CCNYL1: variants seen among roughly 807,000 people sequenced by gnomAD.
The protein encoded by CCNYL1 is cyclin-Y-like protein 1.
A neutral mutation model predicts 44.2 loss-of-function variants in CCNYL1; 16 were observed. The observed-to-expected ratio is 0.36, with a 90% CI of 0.25 to 0.55. CCNYL1 has a LOEUF of 0.55. Among genes scored for constraint, CCNYL1 ranks in the 20% least tolerant of loss-of-function variants. The pLI, the probability that CCNYL1 is intolerant of heterozygous loss-of-function variation, is 0.85. For synonymous variants in CCNYL1, 159 were observed against 163.2 expected (o/e 0.97, Z 0.20); for missense variants, 348 against 451.8 (o/e 0.77, Z 2.08).
At chr2:207,722,085 T>C (rs1160949009) in intron 1 of CCNYL1, among the ~76,000 whole-genome samples, 2 of 151,128 alleles carry the variant, frequency 1.3e-5, no homozygotes, top group Non-Finnish European at 3.0e-5. Flanking sequence ...TTTTTTTTTT[T>C]TTTTTGAGAT....
chr2:207,732,492 T>C (rs1257566705), intron 3 of CCNYL1, among the ~76,000 whole-genome samples: 2 of 152,184 alleles, frequency 1.3e-5, no homozygotes, highest in African/African-American at 4.8e-5. Context: ...ACCTTCTCCC[T>C]GCCCTGTCTT....
chr2:207,737,754 G>A lies in CCNYL1; in HGVS notation c.467+308G>A, dbSNP rs546153542. Reference sequence around the variant, plus strand: ...AACGTTGGCACTGTTGATATTTTGAGCTACATAAGTCTTTGTTGTGGGGAC... The same window carrying A: ...AACGTTGGCACTGTTGATATTTTGAACTACATAAGTCTTTGTTGTGGGGAC... On this transcript the variant is annotated intron_variant, in intron 5 of 9. Coordinates refer to ENST00000295414, the MANE Select transcript of CCNYL1 (RefSeq NM_001330218.2). 1.0e-3 allele frequency among the ~76,000 whole-genome samples: 152 copies of A among 152,082 alleles called. 2 individuals carry two copies. The highest frequency in any genetic ancestry group is 1.8e-4 in the Non-Finnish European group (12 of 67,978).
intron 5 of CCNYL1, among the ~76,000 whole-genome samples, 194 bp downstream of exon 5, chr2:207,737,640 G>A (rs1002191254): frequency 4.6e-5 from 7 of 151,672 alleles, no homozygotes; most frequent in Non-Finnish European, 1.0e-4. Context: ...AAGAGTATTT[G>A]TTTATGTTGG....
intron 5 of CCNYL1, among the ~76,000 whole-genome samples, chr2:207,739,776 T>G (rs2091794191): frequency 6.6e-6 from 1 of 152,208 alleles, no homozygotes. Context: ...GTGAAGCAGG[T>G]GTTTTTCTTA....
rs1279287751 is a variant in CCNYL1 at position 207,724,883 on chromosome 2, A to G, written c.295+9A>G. ...CAAATCTCAAACGGATGGTAAGACA[A>G]TACTGTTTTTTCCTTCCAAGGAAAA... is the stretch of plus-strand genomic sequence containing the variant. On this transcript the variant is annotated intron_variant, in intron 2 of 9. Transcript: ENST00000295414. 1.9e-6 allele frequency: 3 copies of G among 1,601,814 alleles called. No homozygotes were observed. The South Asian group carries it at 3.4e-5, about 18-fold the overall frequency.
In CCNYL1 at chr2:207,720,901, G is replaced by A. The variant is rs532855949; in HGVS notation, c.221-3899G>A. Among the ~76,000 whole-genome samples the A allele has an allele frequency of 8.6e-4, 131 of 152,188 alleles. 1 individual carries two copies. The highest frequency in any genetic ancestry group is 3.0e-3 in the African/African-American group (125 of 41,530). On this transcript the variant is annotated intron_variant, in intron 1 of 9. Transcript: ENST00000295414. ...ATAGAAGGAGGTAGAGCAGTGTTTC[G>A]GAAACCAGATTTAGGATTGTCAGAA...
At chr2:207,719,912 G>A (rs2091627073) in intron 1 of CCNYL1, among the ~76,000 whole-genome samples, 1 of 152,004 alleles carries the variant, frequency 6.6e-6, no homozygotes, top group South Asian at 2.1e-4. Flanking sequence ...GTATGGTCAG[G>A]TGTGGTGGTG....
chr2:207,731,522 T>G (rs1041812557), intron 3 of CCNYL1, among the ~76,000 whole-genome samples: 1 of 152,162 alleles, frequency 6.6e-6, no homozygotes, highest in South Asian at 2.1e-4. Context: ...TGGATTTTTT[T>G]TAAGTATTTA....
intron 1 of CCNYL1, among the ~76,000 whole-genome samples, chr2:207,718,679 A>G (rs941172848): frequency 2.0e-5 from 3 of 152,224 alleles, no homozygotes; most frequent in South Asian, 4.1e-4. Flanking sequence ...AAACTTGACA[A>G]TACATTCTTT....
Position 207,741,869 on chromosome 2 carries a change from G to A in CCNYL1, c.520-354G>A, listed in dbSNP as rs1235118685. 2.7e-5 allele frequency among the ~76,000 whole-genome samples: 4 copies of A among 147,392 alleles called. No individual in the cohort carries two copies. In the Admixed American group the frequency reaches 2.7e-4, roughly 10 times the overall value. Reference sequence around the variant, plus strand: ...TCAAAAAAAAAAAAAAAAGTACTTAGGCCGGGCGTGGTGTCTCACGCGTGT... The same window carrying A: ...TCAAAAAAAAAAAAAAAAGTACTTAAGCCGGGCGTGGTGTCTCACGCGTGT... On this transcript the variant is annotated intron_variant, in intron 6 of 9. Coordinates refer to ENST00000295414, the MANE Select transcript of CCNYL1 (RefSeq NM_001330218.2).
intron 1 of CCNYL1, chr2:207,714,253 G>T: frequency 5.1e-6 from 2 of 395,184 alleles, no homozygotes; most frequent in East Asian, 1.5e-4. Flanking sequence ...ACTTACTTCG[G>T]TCTTGATTAG....
intron 3 of CCNYL1, among the ~76,000 whole-genome samples, chr2:207,732,148 G>A (rs1454191629): frequency 2.0e-5 from 3 of 152,030 alleles, no homozygotes; most frequent in African/African-American, 7.2e-5. Context: ...GAATGAGTCA[G>A]TTTTTATTTT....
At chr2:207,725,549 A>C (rs943806167) in intron 2 of CCNYL1, among the ~76,000 whole-genome samples, 2 of 152,254 alleles carry the variant, frequency 1.3e-5, no homozygotes, top group African/African-American at 4.8e-5. Flanking sequence ...ACAACAAAAA[A>C]TCAGTTCGTA....
intron 4 of CCNYL1, among the ~76,000 whole-genome samples, chr2:207,734,375 C>T (rs1456668535): frequency 2.6e-5 from 4 of 152,148 alleles, no homozygotes; most frequent in African/African-American, 4.8e-5. Flanking sequence ...TCTGGAAAAA[C>T]GTTAGTTTGT....
intron 2 of CCNYL1, among the ~76,000 whole-genome samples, chr2:207,725,699 C>T (rs2105823839): frequency 6.6e-6 from 1 of 152,282 alleles, no homozygotes; most frequent in East Asian, 1.9e-4. Context: ...TATAAACATG[C>T]CCCATGGTGT....
chr2:207,743,484 G>A (rs918616991), intron 7 of CCNYL1, among the ~76,000 whole-genome samples: 3 of 152,184 alleles, frequency 2.0e-5, no homozygotes, highest in Admixed American at 6.5e-5. Context: ...GCATGGTAGT[G>A]CACACCTGTA....
chr2:207,737,904 C>T (rs1371964035), intron 5 of CCNYL1, among the ~76,000 whole-genome samples: 2 of 152,120 alleles, frequency 1.3e-5, no homozygotes, highest in Non-Finnish European at 2.9e-5. Flanking sequence ...CTCTCTTCTA[C>T]AACAACGAAG....
intron 8 of CCNYL1, among the ~76,000 whole-genome samples, chr2:207,747,836 G>A (rs915806628): frequency 3.3e-5 from 5 of 152,196 alleles, no homozygotes; most frequent in African/African-American, 1.2e-4. Flanking sequence ...GGGATTACAG[G>A]CATGAACCAC....
At position 207,711,818 on chromosome 2, in the gene CCNYL1, T is replaced by G; in HGVS notation, c.-79T>G. Reference sequence around the variant, plus strand: ...GCTGCCGGTGCCGGCCGCGCCATTGTTGGGGGAGGGGGCGGCTGTTGAGGG... The same window carrying G: ...GCTGCCGGTGCCGGCCGCGCCATTGGTGGGGGAGGGGGCGGCTGTTGAGGG... On this transcript the variant is annotated 5_prime_UTR_variant, in exon 1 of 10. Transcript: ENST00000295414. The G allele has an allele frequency of 1.2e-4, 109 of 946,892 alleles. No individual in the cohort carries two copies. Among genetic ancestry groups the G allele is most frequent in the Non-Finnish European group, 1.4e-4 (101 of 699,032 alleles). 58.7% of individuals were successfully genotyped at this position (946,892 alleles called of 1,614,324 possible).
Sources: allele counts gnomAD v4.1 joint callset (sites outside exome capture counted in the v4.1 genomes callset), GRCh38; gene constraint gnomAD v4.1.1; transcripts MANE v1.5; gene names NCBI Gene and HGNC (gene_info 2026-07-23, HGNC 2026-07-21).